GALNT14: variants seen among roughly 807,000 people sequenced by gnomAD.
GALNT14 encodes the protein polypeptide N-acetylgalactosaminyltransferase 14, also known as UDP-GalNAc:polypeptide N-acetylgalactosaminyltransferase 14.
A neutral mutation model predicts 77.5 loss-of-function variants in GALNT14; 60 were observed. That is an observed-to-expected ratio of 0.77 (90% CI 0.63 to 0.96). The LOEUF is 0.96. Among genes scored for constraint, GALNT14 ranks in the 40% least tolerant of loss-of-function variants. The pLI is 0.00. For synonymous variants in GALNT14, 280 were observed against 281.7 expected, an observed-to-expected ratio of 0.99 and a Z score of 0.06; for missense variants, 710 against 731.0, an observed-to-expected ratio of 0.97 and a Z score of 0.33.
At chr2:30,972,769 G>T (rs2148357164) in intron 2 of GALNT14, among the ~76,000 whole-genome samples, 1 of 152,322 alleles carries the variant, frequency 6.6e-6, no homozygotes, top group Admixed American at 6.5e-5. Flanking sequence ...TTTCTACTGA[G>T]CTCTGGAAAC....
At chr2:31,062,268 G>A (rs1259907406) in intron 1 of GALNT14, among the ~76,000 whole-genome samples, 2 of 152,074 alleles carry the variant, frequency 1.3e-5, no homozygotes, top group African/African-American at 2.4e-5. Context: ...CTGTGTCCAC[G>A]TGTTCTCATT....
At chr2:31,129,209 A>C (rs1477378303) in intron 1 of GALNT14, 3 of 256,252 alleles carry the variant, frequency 1.2e-5, no homozygotes, top group Middle Eastern at 1.9e-3. Flanking sequence ...TAGCTTGCCC[A>C]AGTCCCTACC....
intron 2 of GALNT14, among the ~76,000 whole-genome samples, chr2:30,976,612 CGTGTGTGTATGTGT>C (rs1668646110): frequency 6.7e-6 from 1 of 148,298 alleles, no homozygotes; most frequent in South Asian, 2.1e-4. Flanking sequence ...TGTGCGTGTG[CGTGTGTGTATGTGT>C]GTGTGTGTGT....
intron 1 of GALNT14, among the ~76,000 whole-genome samples, chr2:31,115,465 T>C (rs757618546): frequency 6.6e-6 from 1 of 152,036 alleles, no homozygotes; most frequent in Non-Finnish European, 1.5e-5. Context: ...ATGGGTGAGA[T>C]GAAAAGAAGA....
chr2:31,015,803 C>T (rs569437592), intron 1 of GALNT14, among the ~76,000 whole-genome samples: 22 of 152,272 alleles, frequency 1.4e-4, no homozygotes, highest in African/African-American at 3.9e-4. Flanking sequence ...AACTCTTCAG[C>T]GTGTCAAGGT....
chr2:31,097,022 T>C (rs1275733126), intron 1 of GALNT14, among the ~76,000 whole-genome samples: 1 of 152,066 alleles, frequency 6.6e-6, no homozygotes, highest in East Asian at 1.9e-4. Flanking sequence ...ATAGTGCTGG[T>C]TCTAAATCAA....
chr2:31,047,165 C>A (rs6726827), intron 1 of GALNT14, among the ~76,000 whole-genome samples: 4,666 of 152,226 alleles, frequency 0.031, 204 homozygotes, highest in African/African-American at 0.099. Flanking sequence ...TAGACCAGGG[C>A]TTGACAGCAG....
At chr2:31,090,268 T>A (rs980976361) in intron 1 of GALNT14, among the ~76,000 whole-genome samples, 7 of 152,058 alleles carry the variant, frequency 4.6e-5, no homozygotes, top group African/African-American at 9.7e-5. Context: ...CTAGCCAAGC[T>A]CTGACGATAA....
At chr2:30,973,101 T>TC (rs1668457978) in intron 2 of GALNT14, among the ~76,000 whole-genome samples, 1 of 152,194 alleles carries the variant, frequency 6.6e-6, no homozygotes, top group African/African-American at 2.4e-5. Context: ...TGTTCCATTT[T>TC]CCCTAATTTC....
chr2:30,904,933 A>C, the GALNT14 span, among the ~76,000 whole-genome samples: 1 of 151,582 alleles, frequency 6.6e-6, no homozygotes, highest in African/African-American at 2.4e-5. Flanking sequence ...ACTGGGAGGC[A>C]CCCCCCAGCA....
At chr2:31,034,992 T>A (rs1672627174) in intron 1 of GALNT14, among the ~76,000 whole-genome samples, 1 of 152,238 alleles carries the variant, frequency 6.6e-6, no homozygotes. Flanking sequence ...TTAAACGTAT[T>A]CAGGTTGTGT....
chr2:30,995,959 C>T (rs1052737357), intron 1 of GALNT14, among the ~76,000 whole-genome samples: 3 of 152,178 alleles, frequency 2.0e-5, no homozygotes, highest in African/African-American at 4.8e-5. Flanking sequence ...GGAGTCTGAA[C>T]GCAGGAAAAG....
intron 1 of GALNT14, among the ~76,000 whole-genome samples, chr2:31,041,855 T>G (rs947462120): frequency 6.6e-5 from 10 of 152,018 alleles, no homozygotes; most frequent in African/African-American, 2.2e-4. Flanking sequence ...ACTGGAGATG[T>G]GAGAACATTC....
intron 13 of GALNT14, 59 bp downstream of exon 13, chr2:30,924,060 A>C (rs1665198592): frequency 1.3e-6 from 2 of 1,599,072 alleles, no homozygotes; most frequent in Non-Finnish European, 1.7e-6. Flanking sequence ...AGGCAGAGTC[A>C]TCTGGCTGCC....
At chr2:30,982,059 A>G (rs1189786531) in intron 2 of GALNT14, among the ~76,000 whole-genome samples, 1 of 152,242 alleles carries the variant, frequency 6.6e-6, no homozygotes, top group African/African-American at 2.4e-5. Context: ...AGGCATAGAC[A>G]GATGCAGAGA....
intron 1 of GALNT14, among the ~76,000 whole-genome samples, chr2:31,090,680 C>T (rs1048002070): frequency 3.3e-5 from 5 of 151,734 alleles, no homozygotes; most frequent in Admixed American, 3.3e-4. Context: ...CGGGGTTTCG[C>T]CATGTTGGCC....
chr2:31,138,028 A>G lies in GALNT14; in HGVS notation c.59T>C (p.Val20Ala). Residue 20 changes from valine to alanine, a missense_variant, in exon 1 of 15, where the codon GTG becomes GCG. Physicochemically the swap from Val to Ala is moderately conservative, Grantham distance 64. Transcript: ENST00000349752. ...LPVFGVLWIT[V>A]LLFFWVTKRK... Reference sequence around the variant, plus strand: ...CTTGGTTACCCAGAAGAACAGCAGCACCGTGATCCAGAGCACCCCGAAGAC... The same window carrying G: ...CTTGGTTACCCAGAAGAACAGCAGCGCCGTGATCCAGAGCACCCCGAAGAC... 1 of 1,613,784 alleles carries G rather than the reference A, an allele frequency of 6.2e-7. No homozygotes were observed. Among genetic ancestry groups the G allele is most frequent in the Non-Finnish European group, 8.5e-7 (1 of 1,179,784 alleles).
intron 1 of GALNT14, among the ~76,000 whole-genome samples, chr2:31,045,093 C>T (rs1158586332): frequency 6.6e-6 from 1 of 152,138 alleles, no homozygotes; most frequent in Non-Finnish European, 1.5e-5. Flanking sequence ...AATGACCAGG[C>T]TGCTCAGGGA....
chr2:31,035,565 G>A lies in GALNT14; in HGVS notation c.130-42558C>T, dbSNP rs559950998. 7.9e-5 allele frequency among the ~76,000 whole-genome samples: 11 copies of A among 138,546 alleles called. No homozygotes were observed. The East Asian group carries it at 9.0e-4, about 11-fold the overall frequency. 90.9% of individuals were successfully genotyped at this position (138,546 alleles called of 152,430 possible). On this transcript the variant is annotated intron_variant, in intron 1 of 14. Transcript: ENST00000349752. ...CTGGATAAAGAAAATGTGTGTGTGT[G>A]TGTATGTGTGTGTGTGTGTGTATAC...
Sources: gnomAD v4.1 joint callset for allele counts (sites outside exome capture counted in the v4.1 genomes callset) on GRCh38, gnomAD v4.1.1 for gene constraint, MANE v1.5 for transcripts, NCBI Gene and HGNC (gene_info 2026-07-23, HGNC 2026-07-21) for gene names.